EXOC4: variants seen among roughly 807,000 people sequenced by gnomAD.
The protein encoded by EXOC4 is SEC8-like 1.
In EXOC4, 71 loss-of-function variants were observed where a neutral mutation model predicts 107.2. The observed-to-expected ratio is 0.66, with a 90% CI of 0.55 to 0.81. The LOEUF is 0.81. Among genes scored for constraint, EXOC4 ranks in the 30% least tolerant of loss-of-function variants. The pLI, the probability that EXOC4 is intolerant of heterozygous loss-of-function variation, is 0.00. For missense variants in EXOC4, 1,108 were observed against 1,189.6 expected (o/e 0.93, Z 1.01); for synonymous variants, 456 against 441.2 (o/e 1.03, Z -0.42).
intron 9 of EXOC4, among the ~76,000 whole-genome samples, chr7:133,497,501 A>G (rs868246832): frequency 2.0e-5 from 3 of 147,464 alleles, no homozygotes; most frequent in Non-Finnish European, 3.0e-5. Context: ...ATTGCGGCTC[A>G]CTCACTACAA....
intron 10 of EXOC4, among the ~76,000 whole-genome samples, chr7:133,677,002 A>C (rs1794077809): frequency 6.7e-6 from 1 of 149,790 alleles, no homozygotes; most frequent in Admixed American, 6.7e-5. Flanking sequence ...ATGAATCACC[A>C]AGGCTTCAGA....
At chr7:133,781,260 A>T (rs1185607398) in intron 10 of EXOC4, among the ~76,000 whole-genome samples, 1 of 152,182 alleles carries the variant, frequency 6.6e-6, no homozygotes, top group African/African-American at 2.4e-5. Context: ...TTTCTCGTCC[A>T]TTTCTTCACA....
chr7:133,389,498 A>T (rs1796802449), intron 7 of EXOC4, among the ~76,000 whole-genome samples: 1 of 147,294 alleles, frequency 6.8e-6, no homozygotes, highest in South Asian at 2.3e-4. Flanking sequence ...GCTTGAACCC[A>T]GGAGGCGGAG....
chr7:133,637,913 G>A (rs1023397572), intron 10 of EXOC4, among the ~76,000 whole-genome samples: 1 of 152,088 alleles, frequency 6.6e-6, no homozygotes, highest in African/African-American at 2.4e-5. Context: ...ATAAAATGGA[G>A]AGCCAGTCAA....
Position 133,568,139 on chromosome 7 carries a change from T to A in EXOC4, c.1418-61906T>A, listed in dbSNP as rs184412320. 6.6e-5 allele frequency among the ~76,000 whole-genome samples: 10 copies of A among 152,336 alleles called. No homozygotes were observed. The East Asian group carries it at 1.9e-3, about 29-fold the overall frequency. ...TCTCTTGTGAGATTGCACGTTTTCATATATTGAAGAACTTTTTATATTTCC... is the reference window on the plus strand; with the variant it reads ...TCTCTTGTGAGATTGCACGTTTTCAAATATTGAAGAACTTTTTATATTTCC... On this transcript the variant is annotated intron_variant, in intron 9 of 17. Coordinates refer to ENST00000253861, the MANE Select transcript of EXOC4 (RefSeq NM_021807.4).
chr7:133,360,093 G>A (rs139486369), intron 6 of EXOC4, among the ~76,000 whole-genome samples: 177 of 152,306 alleles, frequency 1.2e-3, no homozygotes, highest in Non-Finnish European at 1.9e-3. Flanking sequence ...GACAGGCAGC[G>A]TCTTCAACTT....
At chr7:133,559,930 C>T (rs1424904807) in intron 9 of EXOC4, among the ~76,000 whole-genome samples, 1 of 152,138 alleles carries the variant, frequency 6.6e-6, no homozygotes, top group Non-Finnish European at 1.5e-5. Flanking sequence ...CTGACCATAA[C>T]CATGTGGATG....
intron 9 of EXOC4, among the ~76,000 whole-genome samples, chr7:133,582,852 TAAAGAAATACAAAAGAGTTC>T (rs1024246885): frequency 6.6e-6 from 1 of 152,194 alleles, no homozygotes; most frequent in Non-Finnish European, 1.5e-5. Flanking sequence ...AAATGGAGTC[TAAAGAAATACAAAAGAGTTC>T]ATGGGGGTTT....
chr7:133,886,542 T>A (rs980734199), intron 11 of EXOC4, among the ~76,000 whole-genome samples: 5 of 152,212 alleles, frequency 3.3e-5, no homozygotes, highest in Non-Finnish European at 7.3e-5. Flanking sequence ...GTCCTGGGAT[T>A]TATTTTTTCT....
intron 1 of EXOC4, among the ~76,000 whole-genome samples, chr7:133,255,469 C>G (rs1482791614): frequency 6.6e-6 from 1 of 152,146 alleles, no homozygotes; most frequent in Non-Finnish European, 1.5e-5. Context: ...ACCACCGTGC[C>G]CAGCCCTCAT....
chr7:133,576,402 C>G, intron 9 of EXOC4: 1 of 1,037,376 alleles, frequency 9.6e-7, no homozygotes, highest in Non-Finnish European at 1.2e-6. Context: ...CTGTTGTCTC[C>G]GTCACAGTCA....
intron 10 of EXOC4, among the ~76,000 whole-genome samples, chr7:133,782,340 C>T (rs914154561): frequency 6.6e-6 from 1 of 152,130 alleles, no homozygotes; most frequent in African/African-American, 2.4e-5. Flanking sequence ...AAGTATCCCT[C>T]CTTGGTTTTA....
Position 133,943,018 on chromosome 7 carries a change from C to T in EXOC4, c.2206+4949C>T, listed in dbSNP as rs188487246. Among the ~76,000 whole-genome samples the T allele has an allele frequency of 6.6e-4, 101 of 152,200 alleles. No individual in the cohort carries two copies. The Middle Eastern group carries it at 0.014, about 21-fold the overall frequency. Reference sequence around the variant, plus strand: ...CATTGCCCTATATATTAGCCACTAGCCTTGTGTGGCTATTTAAATTTAAAT... The same window carrying T: ...CATTGCCCTATATATTAGCCACTAGTCTTGTGTGGCTATTTAAATTTAAAT... On this transcript the variant is annotated intron_variant, in intron 14 of 17. Coordinates refer to ENST00000253861, the MANE Select transcript of EXOC4 (RefSeq NM_021807.4).
chr7:133,686,165 A>C (rs1349094598), intron 10 of EXOC4, among the ~76,000 whole-genome samples: 1 of 152,132 alleles, frequency 6.6e-6, no homozygotes, highest in Non-Finnish European at 1.5e-5. Flanking sequence ...GCACCACCTC[A>C]TGACTCTGCA....
chr7:133,307,750 T>C (rs1323979689), intron 4 of EXOC4, among the ~76,000 whole-genome samples: 2 of 152,210 alleles, frequency 1.3e-5, no homozygotes, highest in Non-Finnish European at 2.9e-5. Flanking sequence ...GCTTCAAACG[T>C]GCTTATGCTG....
chr7:133,979,128 C>G (rs566071704), intron 14 of EXOC4, among the ~76,000 whole-genome samples: 1 of 152,232 alleles, frequency 6.6e-6, no homozygotes, highest in Non-Finnish European at 1.5e-5. Flanking sequence ...AGTGGAAAAC[C>G]TGATTTGTCA....
chr7:133,387,058 T>C (rs888961601), intron 7 of EXOC4, among the ~76,000 whole-genome samples: 2 of 152,194 alleles, frequency 1.3e-5, no homozygotes, highest in Admixed American at 1.3e-4. Context: ...GCAGCAAATC[T>C]CTTTTGGGAT....
chr7:133,802,861 A>G (rs1796980246), intron 10 of EXOC4, among the ~76,000 whole-genome samples: 1 of 151,870 alleles, frequency 6.6e-6, no homozygotes, highest in African/African-American at 2.4e-5. Context: ...AAAAAAAAAA[A>G]AAAAAAAGGA....
At chr7:133,354,256 G>A (rs745688554) in intron 5 of EXOC4, among the ~76,000 whole-genome samples, 1 of 151,910 alleles carries the variant, frequency 6.6e-6, no homozygotes, top group Non-Finnish European at 1.5e-5. Context: ...TAATGATGTG[G>A]TGACTCCAGA....
Sources: gnomAD v4.1 joint callset for allele counts (sites outside exome capture counted in the v4.1 genomes callset) on GRCh38, gnomAD v4.1.1 for gene constraint, MANE v1.5 for transcripts, NCBI Gene and HGNC (gene_info 2026-07-23, HGNC 2026-07-21) for gene names.